The following TCP11L2 variants were observed in gnomAD, a reference collection of about 807,000 sequenced individuals.
The protein encoded by TCP11L2 is T-complex protein 11-like protein 2.
A neutral mutation model predicts 50.7 loss-of-function variants in TCP11L2; 39 were observed. The observed-to-expected ratio is 0.77, with a 90% CI of 0.60 to 1.01. The LOEUF (loss-of-function observed/expected upper bound fraction) is 1.01, where lower values mean the gene tolerates loss of function less well. TCP11L2 is among the 50% of genes least tolerant of loss of function. The pLI is 0.00. For synonymous variants in TCP11L2, 192 were observed against 219.3 expected (o/e 0.88, Z 1.10); for missense variants, 612 against 614.7 (o/e 1.00, Z 0.05).
intron 1 of TCP11L2, among the ~76,000 whole-genome samples, chr12:106,308,069 T>C (rs899722360): frequency 1.3e-5 from 2 of 152,228 alleles, no homozygotes; most frequent in South Asian, 4.1e-4. Flanking sequence ...TTCTACCCAC[T>C]AAACAAGAGT....
At chr12:106,331,344 A>G (rs2035740378) in intron 6 of TCP11L2, among the ~76,000 whole-genome samples, 1 of 152,156 alleles carries the variant, frequency 6.6e-6, no homozygotes, top group Non-Finnish European at 1.5e-5. Context: ...AAGAAAAGAA[A>G]AAAGCCAAGT....
intron 5 of TCP11L2, 110 bp from the exon 6 acceptor site, chr12:106,323,400 A>T: frequency 1.0e-6 from 1 of 1,003,008 alleles, no homozygotes. Context: ...TTGGAACTTT[A>T]AAACCATTTT....
chr12:106,301,113 T>C (rs923555611), upstream of TCP11L2, among the ~76,000 whole-genome samples: 3 of 152,176 alleles, frequency 2.0e-5, no homozygotes, highest in African/African-American at 7.2e-5. Flanking sequence ...GGAATTGAAA[T>C]TGGAGGCTTC....
At chr12:106,308,519 A>G (rs1249593307) in intron 1 of TCP11L2, among the ~76,000 whole-genome samples, 1 of 152,242 alleles carries the variant, frequency 6.6e-6, no homozygotes, top group East Asian at 1.9e-4. Flanking sequence ...GGAAGCTCTT[A>G]TTCAATTTCA....
At chr12:106,329,859 A>G (rs1246963171) in intron 6 of TCP11L2, 1 of 985,716 alleles carries the variant, frequency 1.0e-6, no homozygotes, top group Non-Finnish European at 1.2e-6. Flanking sequence ...AAACAGAACT[A>G]GCAAACCAAA....
At position 106,335,612 on chromosome 12, in the gene TCP11L2, A is replaced by C. The variant is rs762321559; in HGVS notation, c.773-27A>C. On this transcript the variant is annotated intron_variant, in intron 6 of 9. Transcript: ENST00000299045. ...AGTGAAGGGATCAATCAGCTGTAGA[A>C]CAAATATGTGGCCTTTTCACTCTTA... 1.9e-6 allele frequency: 3 copies of C among 1,610,414 alleles called. No individual in the cohort carries two copies. The South Asian group carries it at 3.3e-5, about 18-fold the overall frequency.
chr12:106,323,753 A>ATAC, intron 6 of TCP11L2, 107 bp downstream of exon 6: 3 of 492,242 alleles, frequency 6.1e-6, no homozygotes, highest in Non-Finnish European at 9.1e-6. Context: ...TTAATAAATA[A>ATAC]ATAAAATTTA....
Position 106,302,767 on chromosome 12 carries a change from A to C in TCP11L2, c.-210A>C, listed in dbSNP as rs1157354996. Reference sequence around the variant, plus strand: ...ATGGCCGCGCCGTGGCTGCCTCCCTAGAGTCCCTCAGGGCCCTTTAAATAC... The same window carrying C: ...ATGGCCGCGCCGTGGCTGCCTCCCTCGAGTCCCTCAGGGCCCTTTAAATAC... On this transcript the variant is annotated 5_prime_UTR_variant, in exon 1 of 10. It removes the in-frame stop codon of an upstream open reading frame in the 5' UTR. Coordinates refer to ENST00000299045, the MANE Select transcript of TCP11L2 (RefSeq NM_152772.3). The C allele has an allele frequency of 6.6e-6, 1 of 151,530 alleles. No individual in the cohort carries two copies. The highest frequency in any genetic ancestry group is 2.4e-5 in the African/African-American group (1 of 41,094). 9.4% of individuals were successfully genotyped at this position (151,530 alleles called of 1,614,324 possible).
intron 6 of TCP11L2, among the ~76,000 whole-genome samples, chr12:106,334,951 A>G (rs1159013373): frequency 6.6e-6 from 1 of 152,098 alleles, no homozygotes; most frequent in Non-Finnish European, 1.5e-5. Flanking sequence ...AAAAAAAAAG[A>G]AAAGAAAGAA....
intron 6 of TCP11L2, among the ~76,000 whole-genome samples, chr12:106,331,218 C>T (rs908381662): frequency 1.3e-5 from 2 of 152,150 alleles, no homozygotes; most frequent in African/African-American, 2.4e-5. Context: ...TTTTCAGTGT[C>T]TGCATGTTTT....
chr12:106,321,514 G>A lies in TCP11L2; in HGVS notation c.443G>A (p.Gly148Asp), dbSNP rs757608534. 6 of 1,614,090 alleles carry A rather than the reference G, an allele frequency of 3.7e-6. No homozygotes were observed. The Admixed American group carries it at 8.3e-5, about 22-fold the overall frequency. Reference sequence around the variant, plus strand: ...CTTCTCTCTTTTCTCACTCCCGGTGGCAACCGGCTTCGCAACCAAATCTGT... The same window carrying A: ...CTTCTCTCTTTTCTCACTCCCGGTGACAACCGGCTTCGCAACCAAATCTGT... ...EILLSFLTPG[G>D]NRLRNQICEV... Residue 148 changes from glycine to aspartate, a missense_variant, in exon 5 of 10, where the codon GGC becomes GAC. Gly to Asp is a moderately conservative substitution (Grantham distance 94, BLOSUM62 -1). Transcript: ENST00000299045.
chr12:106,301,588 G>A (rs2279760), upstream of TCP11L2, among the ~76,000 whole-genome samples: 7,160 of 152,208 alleles, frequency 0.047, 233 homozygotes, highest in East Asian at 0.13. Flanking sequence ...GTTTTTGAAC[G>A]GTGGTGGCCA....
In TCP11L2 at chr12:106,346,643, G is replaced by A. The variant is rs2036243128; in HGVS notation, c.*113G>A. 2.2e-6 allele frequency: 3 copies of A among 1,342,266 alleles called. No individual in the cohort carries two copies. Among genetic ancestry groups the A allele is most frequent in the Non-Finnish European group, 3.0e-6 (3 of 999,954 alleles). 83.1% of individuals were successfully genotyped at this position (1,342,266 alleles called of 1,614,324 possible). ...TTCTCAGTACTGTGGTGCAGTATTA[G>A]CCCAAATCTGTGTAATGGGTAATAT... On this transcript the variant is annotated 3_prime_UTR_variant, in exon 10 of 10. Coordinates refer to ENST00000299045, the MANE Select transcript of TCP11L2 (RefSeq NM_152772.3).
At chr12:106,314,022 T>C (rs567076976) in intron 2 of TCP11L2, among the ~76,000 whole-genome samples, 1 of 152,256 alleles carries the variant, frequency 6.6e-6, no homozygotes, top group East Asian at 1.9e-4. Flanking sequence ...TGCCTCGGCC[T>C]CCCAAAGTGT....
Position 106,311,240 on chromosome 12 carries a change from G to C in TCP11L2, c.157+8G>C. On this transcript the variant is annotated splice_region_variant and intron_variant, in intron 2 of 9. Coordinates refer to ENST00000299045, the MANE Select transcript of TCP11L2 (RefSeq NM_152772.3). ...AATCCAGCTCTCCTGCTTGTGAGCCGATGGGGGAGCAGGGGTTGTGGGTGG... is the reference window on the plus strand; with the variant it reads ...AATCCAGCTCTCCTGCTTGTGAGCCCATGGGGGAGCAGGGGTTGTGGGTGG... 1.2e-6 allele frequency: 2 copies of C among 1,613,088 alleles called. No individual in the cohort carries two copies. The highest frequency in any genetic ancestry group is 1.7e-6 in the Non-Finnish European group (2 of 1,179,416).
intron 6 of TCP11L2, among the ~76,000 whole-genome samples, chr12:106,328,365 G>A (rs889277912): frequency 6.6e-6 from 1 of 152,198 alleles, no homozygotes; most frequent in Admixed American, 6.5e-5. Flanking sequence ...CCAACATGGT[G>A]AAACCCTGTC....
At chr12:106,339,237 T>C (rs999805375) in intron 8 of TCP11L2, among the ~76,000 whole-genome samples, 2 of 152,234 alleles carry the variant, frequency 1.3e-5, no homozygotes, top group African/African-American at 4.8e-5. Flanking sequence ...TGATTAGTGA[T>C]GTTGAGCATT....
At chr12:106,320,406 A>G (rs1242094637) in intron 4 of TCP11L2, among the ~76,000 whole-genome samples, 1 of 152,126 alleles carries the variant, frequency 6.6e-6, no homozygotes, top group Non-Finnish European at 1.5e-5. Context: ...CAAAAAAAAA[A>G]GAAAAGAAAA....
chr12:106,314,428 T>C lies in TCP11L2; in HGVS notation c.228T>C (p.Thr76=), dbSNP rs1222032274. Residue 76 remains threonine (T), a synonymous_variant, in exon 3 of 10, where the codon ACT becomes ACC. Coordinates refer to ENST00000299045, the MANE Select transcript of TCP11L2 (RefSeq NM_152772.3). ...CAGCAAGGAACTTATCAAACTTGAC[T>C]CTTGCTCATGAGATTGCTGTAAATG... The part of the protein sequence containing the change: ...MATARNLSNL[T]LAHEIAVNEN... 6.2e-7 allele frequency: 1 copy of C among 1,613,834 alleles called. No homozygotes were observed. Among genetic ancestry groups the C allele is most frequent in the Non-Finnish European group, 8.5e-7 (1 of 1,179,800 alleles).
Sources: gnomAD v4.1 joint callset for allele counts (sites outside exome capture counted in the v4.1 genomes callset) on GRCh38, gnomAD v4.1.1 for gene constraint, MANE v1.5 for transcripts, NCBI Gene and HGNC (gene_info 2026-07-23, HGNC 2026-07-21) for gene names.